The following SYNDIG1 variants were observed in gnomAD, a reference collection of about 807,000 sequenced individuals.
SYNDIG1 encodes the protein synapse differentiation-inducing gene protein 1.
Under a neutral mutation model 19.4 loss-of-function variants are expected in SYNDIG1, and 9 were observed. The ratio of observed to expected loss-of-function variants is 0.46; its 90% CI spans 0.28 to 0.81. The LOEUF (loss-of-function observed/expected upper bound fraction) is 0.81. SYNDIG1 is among the 30% of genes least tolerant of loss of function. The pLI, the probability that SYNDIG1 is intolerant of heterozygous loss-of-function variation, is 0.12. For missense variants in SYNDIG1, 311 were observed against 343.3 expected (o/e 0.91, Z 0.74); for synonymous variants, 141 against 145.9 (o/e 0.97, Z 0.24).
chr20:24,527,757 C>G (rs970551418), intron 1 of SYNDIG1, among the ~76,000 whole-genome samples: 1 of 152,064 alleles, frequency 6.6e-6, no homozygotes, highest in Non-Finnish European at 1.5e-5. Flanking sequence ...AGAGTGTGGT[C>G]CCTGGATCAG....
intron 1 of SYNDIG1, among the ~76,000 whole-genome samples, chr20:24,529,113 T>C (rs1041808653): frequency 9.9e-5 from 15 of 152,072 alleles, no homozygotes; most frequent in Non-Finnish European, 1.9e-4. Flanking sequence ...TGTCCTTCAG[T>C]GGGTGGGGAG....
chr20:24,524,402 T>C (rs753319798), intron 1 of SYNDIG1, among the ~76,000 whole-genome samples: 11 of 152,130 alleles, frequency 7.2e-5, no homozygotes, highest in Non-Finnish European at 1.5e-4. Context: ...TCCCAGCACT[T>C]TGGGAGGCCG....
At chr20:24,557,717 T>TG (rs901225802) in intron 2 of SYNDIG1, among the ~76,000 whole-genome samples, 1 of 152,148 alleles carries the variant, frequency 6.6e-6, no homozygotes, top group Non-Finnish European at 1.5e-5. Context: ...CTGCCCGTAC[T>TG]GGGGGGTGCC....
At chr20:24,649,203 A>C (rs2059447337) in intron 3 of SYNDIG1, among the ~76,000 whole-genome samples, 1 of 152,216 alleles carries the variant, frequency 6.6e-6, no homozygotes, top group Non-Finnish European at 1.5e-5. Context: ...AGGGTGCCCT[A>C]CAGCTGAAGG....
chr20:24,484,012 G>A lies in SYNDIG1; in HGVS notation c.-79+14259G>A, dbSNP rs1441229939. ...GGGCAGAGGTCACAGAGGCCTCCGCGCACCTAGGAGGTGGAAGTTGGATGT... is the reference window on the plus strand; with the variant it reads ...GGGCAGAGGTCACAGAGGCCTCCGCACACCTAGGAGGTGGAAGTTGGATGT... On this transcript the variant is annotated intron_variant, in intron 1 of 3. Coordinates refer to ENST00000376862, the MANE Select transcript of SYNDIG1 (RefSeq NM_024893.3). Among the ~76,000 whole-genome samples, 7 of 152,244 alleles carry A rather than the reference G, an allele frequency of 4.6e-5. No individual in the cohort carries two copies. The South Asian group carries it at 8.3e-4, about 18-fold the overall frequency.
intron 1 of SYNDIG1, among the ~76,000 whole-genome samples, chr20:24,518,309 G>C (rs943808876): frequency 6.6e-6 from 1 of 152,098 alleles, no homozygotes; most frequent in African/African-American, 2.4e-5. Flanking sequence ...ACTGGTACTA[G>C]GGAGAAGCAT....
At chr20:24,588,366 T>C (rs1459720355) in intron 3 of SYNDIG1, among the ~76,000 whole-genome samples, 1 of 152,164 alleles carries the variant, frequency 6.6e-6, no homozygotes, top group Non-Finnish European at 1.5e-5. Context: ...AGCATAACAG[T>C]AGTAATCAAA....
chr20:24,625,168 TAAC>T (rs1440124013), intron 3 of SYNDIG1, among the ~76,000 whole-genome samples: 1 of 151,810 alleles, frequency 6.6e-6, no homozygotes, highest in East Asian at 1.9e-4. Context: ...AGGAAGGAAA[TAAC>T]TACAATTAGA....
intron 1 of SYNDIG1, among the ~76,000 whole-genome samples, chr20:24,491,267 A>G (rs6049735): frequency 0.4 from 60,867 of 152,008 alleles, 12,696 homozygotes; most frequent in Middle Eastern, 0.51. Flanking sequence ...ACTTAATAAA[A>G]CAAAGTAAGG....
Position 24,526,184 on chromosome 20 carries a change from A to T in SYNDIG1, c.-78-16836A>T, listed in dbSNP as rs571703845. ...AAATCCAAACTAACAATTTATTTTA[A>T]TTGACAATTTAAATTAATTTGTACC... is the stretch of plus-strand genomic sequence containing the variant. On this transcript the variant is annotated intron_variant, in intron 1 of 3. Coordinates refer to ENST00000376862, the MANE Select transcript of SYNDIG1 (RefSeq NM_024893.3). Among the ~76,000 whole-genome samples the T allele has an allele frequency of 1.2e-3, 184 of 152,308 alleles. 1 individual carries two copies. The highest frequency in any genetic ancestry group is 3.4e-3 in the Middle Eastern group (1 of 294).
intron 2 of SYNDIG1, among the ~76,000 whole-genome samples, chr20:24,564,478 A>G (rs1431299680): frequency 6.6e-6 from 1 of 152,244 alleles, no homozygotes; most frequent in East Asian, 1.9e-4. Flanking sequence ...ATATGTAGAA[A>G]GAAACTGTAA....
intron 2 of SYNDIG1, among the ~76,000 whole-genome samples, chr20:24,557,935 C>T (rs1248829974): frequency 3.3e-5 from 5 of 152,208 alleles, no homozygotes; most frequent in South Asian, 2.1e-4. Flanking sequence ...GCTGCCTCGC[C>T]GGAAGAGGGC....
At chr20:24,607,360 CAAAAAAA>C (rs59085965) in intron 3 of SYNDIG1, among the ~76,000 whole-genome samples, 1 of 107,476 alleles carries the variant, frequency 9.3e-6, no homozygotes, top group African/African-American at 3.5e-5. Context: ...GACTCCGTCT[CAAAAAAA>C]AAAAAAAAAA....
chr20:24,533,678 C>G (rs547915094), intron 1 of SYNDIG1, among the ~76,000 whole-genome samples: 1 of 152,216 alleles, frequency 6.6e-6, no homozygotes, highest in South Asian at 2.1e-4. Flanking sequence ...CTGTCCCACC[C>G]CAGGACAAAG....
chr20:24,556,787 G>C, intron 2 of SYNDIG1, among the ~76,000 whole-genome samples: 1 of 152,094 alleles, frequency 6.6e-6, no homozygotes, highest in East Asian at 1.9e-4. Context: ...ATGTGTCTTG[G>C]AGTTGCTCTT....
rs112158728 is a variant in SYNDIG1, at chr20:24,641,439, A to G, written c.619-23907A>G. Among the ~76,000 whole-genome samples the G allele has an allele frequency of 3.3e-5, 5 of 152,302 alleles. 1 individual carries two copies. Among genetic ancestry groups the G allele is most frequent in the African/African-American group, 9.6e-5 (4 of 41,572 alleles). On this transcript the variant is annotated intron_variant, in intron 3 of 3. Coordinates refer to ENST00000376862, the MANE Select transcript of SYNDIG1 (RefSeq NM_024893.3). ...AACATAAAACATTGCTGAGGAAAAC[A>G]GTATTGATAATGGTACCTACTACAT...
In SYNDIG1 at chr20:24,658,264, A is replaced by C. The variant is rs1367095846; in HGVS notation, c.619-7082A>C. ...CTGTGGGTCCTGGCCTGTCTGAGAC[A>C]GCCCAGAGCCCAGCACTTCAGACAT... On this transcript the variant is annotated intron_variant, in intron 3 of 3. Transcript: ENST00000376862. The surrounding 1 kb of genome is among the most constrained non-coding windows in gnomAD (Gnocchi z 4.4). 2.6e-5 allele frequency among the ~76,000 whole-genome samples: 4 copies of C among 152,152 alleles called. No homozygotes were observed. The highest frequency in any genetic ancestry group is 5.9e-5 in the Non-Finnish European group (4 of 68,004).
chr20:24,503,607 C>T (rs1261490099), intron 1 of SYNDIG1, among the ~76,000 whole-genome samples: 1 of 151,624 alleles, frequency 6.6e-6, no homozygotes, highest in Non-Finnish European at 1.5e-5. Flanking sequence ...AGCCCCCCAG[C>T]GCTCCAGTCC....
At chr20:24,564,054 A>C (rs2057995724) in intron 2 of SYNDIG1, among the ~76,000 whole-genome samples, 1 of 152,118 alleles carries the variant, frequency 6.6e-6, no homozygotes, top group South Asian at 2.1e-4. Context: ...CCGTGGCCAA[A>C]CCCCTAGCAT....
Sources: gnomAD v4.1 joint callset for allele counts (sites outside exome capture counted in the v4.1 genomes callset) on GRCh38, gnomAD v4.1.1 for gene constraint, Gnocchi (gnomAD v3.1) non-coding constraint, MANE v1.5 for transcripts, NCBI Gene and HGNC (gene_info 2026-07-23, HGNC 2026-07-21) for gene names.